PPP1R12A: variants seen among roughly 807,000 people sequenced by gnomAD.
PPP1R12A encodes the protein myosin binding subunit.
In PPP1R12A, 19 loss-of-function variants were observed where a neutral mutation model predicts 139.6. The ratio of observed to expected loss-of-function variants is 0.14; its 90% CI spans 0.09 to 0.20. PPP1R12A has a LOEUF of 0.20. Among genes scored for constraint, PPP1R12A ranks in the 10% least tolerant of loss-of-function variants. The probability of loss-of-function intolerance (pLI) is 1.00; values close to 1 mark genes in which losing one functional copy is unlikely to be tolerated. For missense variants in PPP1R12A, 925 were observed against 1,211.5 expected (o/e 0.76, Z 3.51); for synonymous variants, 427 against 420.6 (o/e 1.02, Z -0.19).
intron 1 of PPP1R12A, among the ~76,000 whole-genome samples, chr12:79,899,437 C>A (rs949362724): frequency 6.6e-6 from 1 of 151,834 alleles, no homozygotes; most frequent in African/African-American, 2.4e-5. Flanking sequence ...TTTTCCACCA[C>A]AATAAATGAG....
At chr12:79,790,291 T>C (rs1258124577) in intron 20 of PPP1R12A, among the ~76,000 whole-genome samples, 176 bp downstream of exon 20, 3 of 152,164 alleles carry the variant, frequency 2.0e-5, no homozygotes, top group Non-Finnish European at 4.4e-5. Context: ...TGACTAGTGA[T>C]CTTGAAGTAA....
In PPP1R12A at chr12:79,795,693, C is replaced by T; in HGVS notation, c.2528G>A (p.Arg843Gln). 1.2e-6 allele frequency: 2 copies of T among 1,612,296 alleles called. No individual in the cohort carries two copies. Among genetic ancestry groups the T allele is most frequent in the South Asian group, 1.1e-5 (1 of 91,050 alleles). Residue 843 changes from arginine (R) to glutamine (Q), a missense_variant, in exon 18 of 25, where the codon CGA (arginine) becomes CAA (glutamine). By Grantham distance (43) the Arg-to-Gln change is conservative. Transcript: ENST00000450142. Reference protein sequence around the residue: ...DKSQPKSIRERRRPREKRRST... With the variant: ...DKSQPKSIREQRRPREKRRST... ...TCTTCTTTTCTCTCTTGGTCGTCGT[C>T]GTTCTCTGATTGATTTAGGTTGTGA...
intron 22 of PPP1R12A, among the ~76,000 whole-genome samples, chr12:79,785,776 GAGA>G (rs1046274799): frequency 9.2e-5 from 14 of 152,176 alleles, no homozygotes; most frequent in African/African-American, 2.9e-4. Flanking sequence ...GGGAAATGAG[GAGA>G]AGATGTACCT....
intron 1 of PPP1R12A, among the ~76,000 whole-genome samples, chr12:79,928,705 T>A (rs1258355355): frequency 6.6e-6 from 1 of 152,224 alleles, no homozygotes; most frequent in Non-Finnish European, 1.5e-5. Context: ...AGATTTTACA[T>A]AGTAATCAAA....
chr12:79,913,302 C>T (rs998427045), intron 1 of PPP1R12A, among the ~76,000 whole-genome samples: 1 of 152,214 alleles, frequency 6.6e-6, no homozygotes, highest in African/African-American at 2.4e-5. Flanking sequence ...CTCATAGTTA[C>T]CTTCCAGAGT....
At chr12:79,913,103 G>A (rs896806263) in intron 1 of PPP1R12A, among the ~76,000 whole-genome samples, 2 of 152,188 alleles carry the variant, frequency 1.3e-5, no homozygotes, top group East Asian at 3.9e-4. Flanking sequence ...TCTGGTGAAT[G>A]AGATTGAATA....
intron 1 of PPP1R12A, among the ~76,000 whole-genome samples, chr12:79,931,970 A>C (rs752821330): frequency 5.9e-5 from 9 of 152,220 alleles, no homozygotes; most frequent in African/African-American, 1.9e-4. Flanking sequence ...TAAACCTTTA[A>C]ATATAAGCTC....
chr12:79,869,393 A>G (rs563135478), intron 2 of PPP1R12A, among the ~76,000 whole-genome samples: 41 of 152,338 alleles, frequency 2.7e-4, no homozygotes, highest in Non-Finnish European at 4.3e-4. Context: ...TTAACTGCAC[A>G]TATCAATAGG....
At chr12:79,789,954 A>G (rs905005867) in intron 20 of PPP1R12A, among the ~76,000 whole-genome samples, 1 of 144,084 alleles carries the variant, frequency 6.9e-6, no homozygotes, top group African/African-American at 2.5e-5. Context: ...TAATTAAGAA[A>G]TTTTTTTTTT....
At chr12:79,908,748 T>G (rs1163824963) in intron 1 of PPP1R12A, among the ~76,000 whole-genome samples, 1 of 152,224 alleles carries the variant, frequency 6.6e-6, no homozygotes, top group East Asian at 1.9e-4. Flanking sequence ...TAGATTTTAG[T>G]CATTATATGT....
intron 3 of PPP1R12A, among the ~76,000 whole-genome samples, chr12:79,840,574 A>T (rs899272677): frequency 6.6e-6 from 1 of 152,128 alleles, no homozygotes; most frequent in Admixed American, 6.5e-5. Context: ...TCATCTAATC[A>T]TCACTTCTTC....
chr12:79,882,063 A>G (rs1883686833), intron 1 of PPP1R12A, among the ~76,000 whole-genome samples: 1 of 152,228 alleles, frequency 6.6e-6, no homozygotes, highest in Non-Finnish European at 1.5e-5. Flanking sequence ...CTGGTCACCC[A>G]AGGGGTCTGA....
intron 1 of PPP1R12A, among the ~76,000 whole-genome samples, chr12:79,894,846 G>A (rs1026417738): frequency 2.0e-5 from 3 of 152,114 alleles, no homozygotes; most frequent in African/African-American, 7.2e-5. Flanking sequence ...CGCTTTTTGG[G>A]AATTATGTTT....
intron 1 of PPP1R12A, among the ~76,000 whole-genome samples, chr12:79,918,788 AAAG>A (rs1887200052): frequency 6.6e-6 from 1 of 152,196 alleles, no homozygotes; most frequent in South Asian, 2.1e-4. Context: ...TTTTCTTAAA[AAAG>A]AAAAATTGGT....
intron 1 of PPP1R12A, among the ~76,000 whole-genome samples, chr12:79,888,652 T>A (rs1404724075): frequency 1.3e-5 from 2 of 152,150 alleles, no homozygotes; most frequent in Non-Finnish European, 2.9e-5. Flanking sequence ...AAATAAACAC[T>A]AACCCTTACT....
At chr12:79,916,252 T>G (rs369421739) in intron 1 of PPP1R12A, among the ~76,000 whole-genome samples, 2 of 152,176 alleles carry the variant, frequency 1.3e-5, no homozygotes, top group African/African-American at 4.8e-5. Flanking sequence ...ATCTTCCTAT[T>G]CTTGTTCTGG....
intron 1 of PPP1R12A, among the ~76,000 whole-genome samples, chr12:79,906,958 C>T (rs1182148840): frequency 6.6e-6 from 1 of 152,120 alleles, no homozygotes; most frequent in Non-Finnish European, 1.5e-5. Flanking sequence ...CCGCATCCGG[C>T]CTACAAATTG....
intron 1 of PPP1R12A, among the ~76,000 whole-genome samples, chr12:79,881,552 T>C (rs989689926): frequency 1.3e-5 from 2 of 152,146 alleles, no homozygotes; most frequent in African/African-American, 4.8e-5. Context: ...AGGAAGTTGA[T>C]TCATGAGGTT....
chr12:79,872,816 A>G lies in PPP1R12A; in HGVS notation c.360T>C (p.Asp120=), dbSNP rs374247943. 3.3e-5 allele frequency: 53 copies of G among 1,613,446 alleles called. No homozygotes were observed. In the African/African-American group the frequency reaches 5.7e-4, roughly 17 times the overall value. The change falls in exon 2 of 25, where the codon GAT becomes GAC. Residue 120 remains aspartate, a synonymous_variant. Coordinates refer to ENST00000450142, the MANE Select transcript of PPP1R12A (RefSeq NM_002480.3). ...LHAAASCGYL[D]IAEFLIGQGA... ...ACACAGAACTGGCTTACTCTGCAATATCAAGATATCCACAGGAAGCTGCTG... is the reference window on the plus strand; with the variant it reads ...ACACAGAACTGGCTTACTCTGCAATGTCAAGATATCCACAGGAAGCTGCTG...
Sources: gnomAD v4.1 joint callset for allele counts (sites outside exome capture counted in the v4.1 genomes callset) on GRCh38, gnomAD v4.1.1 for gene constraint, MANE v1.5 for transcripts, NCBI Gene and HGNC (gene_info 2026-07-23, HGNC 2026-07-21) for gene names.